The following SYT3 variants were observed in gnomAD, a reference collection of about 807,000 sequenced individuals.
The protein encoded by SYT3 is synaptotagmin 3.
A neutral mutation model predicts 50.6 loss-of-function variants in SYT3; 25 were observed. That is an observed-to-expected ratio of 0.49 (90% CI 0.36 to 0.69). SYT3 has a LOEUF of 0.69. Ranked by LOEUF, SYT3 falls within the 30% of genes least tolerant of loss-of-function variation. The pLI, the probability that SYT3 is intolerant of heterozygous loss-of-function variation, is 0.00. For missense variants in SYT3, 589 were observed against 793.6 expected, an observed-to-expected ratio of 0.74 and a Z score of 3.10; for synonymous variants, 323 against 353.9, an observed-to-expected ratio of 0.91 and a Z score of 0.98.
At position 50,625,336 on chromosome 19, in the gene SYT3, G is replaced by A. The variant is rs570471073; in HGVS notation, c.1575-42C>T. The A allele has an allele frequency of 1.2e-5, 18 of 1,534,910 alleles. No homozygotes were observed. In the Admixed American group the frequency reaches 3.0e-4, roughly 26 times the overall value. On this transcript the variant is annotated intron_variant, in intron 8 of 10. Transcript: ENST00000600079. This position sits in a 1 kb window ranked among gnomAD's most constrained non-coding sequence, Gnocchi z 7.5. ...GTGAGGACCGTGGAGGGTGGTGGGAGGGCCTGTCCCCACCCCAGCCCTCCT... is the reference window on the plus strand; with the variant it reads ...GTGAGGACCGTGGAGGGTGGTGGGAAGGCCTGTCCCCACCCCAGCCCTCCT...
chr19:50,637,287 C>T lies in SYT3; in HGVS notation c.125G>A (p.Gly42Asp), dbSNP rs1453047793. Reference protein sequence around the residue: ...RCQEFNDRIRGYPRGPDADIS... With the variant: ...RCQEFNDRIRDYPRGPDADIS... ...ACCTGCATCTGGACCCCGGGGATAG[C>T]CTCGGATTCGGTCATTGAACTCCTG... The change falls in exon 3 of 11, where the codon GGC (glycine) becomes GAC (aspartate). Residue 42 changes from glycine (G) to aspartate (D), a missense_variant. By Grantham distance (94) the Gly-to-Asp change is moderately conservative. Coordinates refer to ENST00000600079, the MANE Select transcript of SYT3 (RefSeq NM_001160329.2). This position sits in a 1 kb window ranked among gnomAD's most constrained non-coding sequence, Gnocchi z 4.9. 4.3e-6 allele frequency: 7 copies of T among 1,613,262 alleles called. No homozygotes were observed. Among genetic ancestry groups the T allele is most frequent in the Non-Finnish European group, 5.9e-6 (7 of 1,179,880 alleles).
chr19:50,648,915 G>A, the SYT3 span, among the ~76,000 whole-genome samples: 2 of 151,930 alleles, frequency 1.3e-5, no homozygotes, highest in Non-Finnish European at 2.9e-5. Context: ...GGGGCAAGGA[G>A]ACTGGTGAGA....
chr19:50,643,103 G>T (rs779079960), upstream of SYT3, among the ~76,000 whole-genome samples: 1 of 152,158 alleles, frequency 6.6e-6, no homozygotes, highest in Non-Finnish European at 1.5e-5. Flanking sequence ...AAGTGCAGTG[G>T]CTCACACCTG....
chr19:50,637,608 G>C lies in SYT3; in HGVS notation c.-15-182C>G. 1 of 557,142 alleles carries C rather than the reference G, an allele frequency of 1.8e-6. No individual in the cohort carries two copies. The highest frequency in any genetic ancestry group is 3.2e-6 in the Non-Finnish European group (1 of 314,786). The allele number at this position is 557,142 out of a possible 1,614,324, so 34.5% of individuals were successfully genotyped here. Reference sequence around the variant, plus strand: ...TCGAGGAAGAAGGACAAGGTGACAGGTATTAGGGATGGACAAGGAAAAGGA... The same window carrying C: ...TCGAGGAAGAAGGACAAGGTGACAGCTATTAGGGATGGACAAGGAAAAGGA... On this transcript the variant is annotated intron_variant, in intron 2 of 10. Transcript: ENST00000600079. This position sits in a 1 kb window ranked among gnomAD's most constrained non-coding sequence, Gnocchi z 4.9.
chr19:50,642,360 G>A (rs578166177), upstream of SYT3, among the ~76,000 whole-genome samples: 1 of 152,344 alleles, frequency 6.6e-6, no homozygotes, highest in South Asian at 2.1e-4. Context: ...CTCGGATTCC[G>A]AGGCTGCCCA....
At chr19:50,647,646 G>A in the SYT3 span, among the ~76,000 whole-genome samples, 1 of 152,096 alleles carries the variant, frequency 6.6e-6, no homozygotes, top group African/African-American at 2.4e-5. Context: ...CAGCCTGGGG[G>A]ACACAGTGAG....
chr19:50,654,365 C>A, the SYT3 span, among the ~76,000 whole-genome samples: 28 of 152,106 alleles, frequency 1.8e-4, no homozygotes, highest in South Asian at 5.6e-3. Context: ...TGCAGTGGCG[C>A]AATCTTGGCT....
chr19:50,628,641 C>A (rs1365673854), intron 6 of SYT3, among the ~76,000 whole-genome samples: 3 of 151,878 alleles, frequency 2.0e-5, no homozygotes, highest in Non-Finnish European at 4.4e-5. Flanking sequence ...GAAGTCCAGT[C>A]ATTGGAAAGT....
chr19:50,636,158 G>C (rs565354717), intron 3 of SYT3, among the ~76,000 whole-genome samples: 2 of 152,140 alleles, frequency 1.3e-5, no homozygotes, highest in Non-Finnish European at 2.9e-5. Context: ...GGAGGCTGAG[G>C]CAGGAGAATC....
the SYT3 span, among the ~76,000 whole-genome samples, chr19:50,646,610 C>A: frequency 6.6e-6 from 1 of 151,974 alleles, no homozygotes; most frequent in Non-Finnish European, 1.5e-5. Flanking sequence ...GATAAAAAAA[C>A]AGTCGGAGGG....
chr19:50,635,322 G>A (rs1984461847), intron 3 of SYT3, among the ~76,000 whole-genome samples: 1 of 152,126 alleles, frequency 6.6e-6, no homozygotes, highest in Non-Finnish European at 1.5e-5. Context: ...GAGAAAACAG[G>A]GTCATTGTGG....
At position 50,625,263 on chromosome 19, in the gene SYT3, G is replaced by A. The variant is rs1389719687; in HGVS notation, c.1606C>T (p.Arg536Cys). Residue 536 changes from arginine (R) to cysteine (C), a missense_variant, in exon 9 of 11, where the codon CGT becomes TGT. This residue lies in a region of SYT3 where 273 missense variants were observed against 439.3 expected (regional missense o/e 0.62). Coordinates refer to ENST00000600079, the MANE Select transcript of SYT3 (RefSeq NM_001160329.2). This position sits in a 1 kb window ranked among gnomAD's most constrained non-coding sequence, Gnocchi z 7.5. Reference sequence around the variant, plus strand: ...GGGTCGGCAGCGTCGGGGCCCACACGGCACACGCCGATCACCTCGTTGTGC... The same window carrying A: ...GGGTCGGCAGCGTCGGGGCCCACACAGCACACGCCGATCACCTCGTTGTGC... ...IGHNEVIGVC[R>C]VGPDAADPHG... 3.9e-6 allele frequency: 6 copies of A among 1,548,888 alleles called. No homozygotes were observed. The highest frequency in any genetic ancestry group is 1.2e-5 in the South Asian group (1 of 85,104).
chr19:50,626,196 A>G lies in SYT3; in HGVS notation c.1282-179T>C, dbSNP rs576161939. The G allele has an allele frequency of 1.3e-3, 1,178 of 905,140 alleles. 6 individuals carry two copies. The highest frequency in any genetic ancestry group is 1.7e-3 in the Non-Finnish European group (1,038 of 625,634). 56.1% of individuals were successfully genotyped at this position (905,140 alleles called of 1,614,324 possible). ...AGTAATTCCCTGGCCACAGCTGCCC[A>G]TGACCATCAAAGCTTATTTGTTCTG... On this transcript the variant is annotated intron_variant, in intron 6 of 10. Coordinates refer to ENST00000600079, the MANE Select transcript of SYT3 (RefSeq NM_001160329.2).
At chr19:50,645,147 GCTATGGCC>G in the SYT3 span, among the ~76,000 whole-genome samples, 1 of 152,218 alleles carries the variant, frequency 6.6e-6, no homozygotes, top group Admixed American at 6.5e-5. Flanking sequence ...TTTGGCCAGG[GCTATGGCC>G]ATCCCTGCCA....
chr19:50,631,167 C>T lies in SYT3; in HGVS notation c.675-996G>A, dbSNP rs12972350. Reference sequence around the variant, plus strand: ...TTTTCTTTTTCTTTTTTCTTTCTTTCTTTTTTTTTTTTTTTTTTGAGATGG... The same window carrying T: ...TTTTCTTTTTCTTTTTTCTTTCTTTTTTTTTTTTTTTTTTTTTTGAGATGG... On this transcript the variant is annotated intron_variant, in intron 4 of 10. Coordinates refer to ENST00000600079, the MANE Select transcript of SYT3 (RefSeq NM_001160329.2). Among the ~76,000 whole-genome samples the T allele has an allele frequency of 6.5e-3, 135 of 20,676 alleles. 4 individuals carry two copies. The highest frequency in any genetic ancestry group is 7.1e-3 in the Non-Finnish European group (57 of 7,990). The allele number at this position is 20,676 out of a possible 152,430, so 13.6% of individuals were successfully genotyped here. A position where few individuals can be genotyped will look rare whatever the true frequency, so the allele number is the denominator to read the frequency against.
upstream of SYT3, among the ~76,000 whole-genome samples, chr19:50,640,464 T>C (rs1200999115): frequency 1.3e-5 from 2 of 152,236 alleles, no homozygotes; most frequent in African/African-American, 4.8e-5. Context: ...CAGTTTCTGG[T>C]ATATTAATAG....
chr19:50,637,935 C>G lies in SYT3; in HGVS notation c.-15-509G>C, dbSNP rs1186709120. 1 of 153,978 alleles carries G rather than the reference C, an allele frequency of 6.5e-6. No homozygotes were observed. Among genetic ancestry groups the G allele is most frequent in the Non-Finnish European group, 1.4e-5 (1 of 69,154 alleles). 9.5% of individuals were successfully genotyped at this position (153,978 alleles called of 1,614,324 possible). A position where few individuals can be genotyped will look rare whatever the true frequency, so the allele number is the denominator to read the frequency against. ...ATTCATTCAACAAACATCCATCCAG[C>G]ACCAACTACGCCCTACGTGCTGTGC... On this transcript the variant is annotated intron_variant, in intron 2 of 10. Coordinates refer to ENST00000600079, the MANE Select transcript of SYT3 (RefSeq NM_001160329.2). The surrounding 1 kb of genome is among the most constrained non-coding windows in gnomAD (Gnocchi z 4.9).
At chr19:50,656,673 C>T in the SYT3 span, among the ~76,000 whole-genome samples, 179 of 152,138 alleles carry the variant, frequency 1.2e-3, no homozygotes, top group East Asian at 3.3e-3. Context: ...CCATGTGTGT[C>T]GGGTGCGGTG....
the SYT3 span, among the ~76,000 whole-genome samples, chr19:50,648,590 C>T: frequency 6.6e-6 from 1 of 152,142 alleles, no homozygotes; most frequent in Non-Finnish European, 1.5e-5. Flanking sequence ...CCCGTGAGAC[C>T]CCAGACCCAG....
Sources: allele counts gnomAD v4.1 joint callset (sites outside exome capture counted in the v4.1 genomes callset), GRCh38; gene constraint gnomAD v4.1.1; regional missense constraint gnomAD v4.1.1; non-coding constraint Gnocchi (gnomAD v3.1); transcripts MANE v1.5; gene names NCBI Gene and HGNC (gene_info 2026-07-23, HGNC 2026-07-21).